CAMK2A: variants seen among roughly 807,000 people sequenced by gnomAD.
CAMK2A encodes the protein calcium/calmodulin dependent protein kinase II alpha, also known as calcium/calmodulin-dependent protein kinase type II subunit alpha.
Under a neutral mutation model 79.2 loss-of-function variants are expected in CAMK2A, and 7 were observed. That is an observed-to-expected ratio of 0.09 (90% CI 0.05 to 0.17). CAMK2A has a LOEUF of 0.17. Ranked by LOEUF, CAMK2A falls within the 10% of genes least tolerant of loss-of-function variation. CAMK2A has a pLI of 1.00. For synonymous variants in CAMK2A, 242 were observed against 251.7 expected (o/e 0.96, Z 0.36); for missense variants, 214 against 646.4 (o/e 0.33, Z 7.25).
chr5:150,227,101 A>T (rs1754639171), intron 17 of CAMK2A, among the ~76,000 whole-genome samples: 1 of 152,178 alleles, frequency 6.6e-6, no homozygotes, highest in Non-Finnish European at 1.5e-5. Flanking sequence ...AAACTTATTG[A>T]CATAGTCATT....
intron 1 of CAMK2A, among the ~76,000 whole-genome samples, chr5:150,277,082 T>C (rs1756981042): frequency 6.6e-6 from 1 of 152,124 alleles, no homozygotes; most frequent in Non-Finnish European, 1.5e-5. Context: ...AGCATGGTGG[T>C]ACACATCTGT....
At chr5:150,263,474 C>T (rs1282536331) in intron 3 of CAMK2A, among the ~76,000 whole-genome samples, 1 of 150,916 alleles carries the variant, frequency 6.6e-6, no homozygotes, top group Non-Finnish European at 1.5e-5. Flanking sequence ...ACACACTCCA[C>T]ACACTCTCAC....
chr5:150,253,326 C>T (rs940175546), intron 7 of CAMK2A, 118 bp downstream of exon 7: 3 of 772,316 alleles, frequency 3.9e-6, no homozygotes, highest in African/African-American at 3.4e-5. Context: ...TCTACCAGCC[C>T]CGGCTGGCCC....
rs1757326530 is a variant in CAMK2A, at chr5:150,284,135, G to A, written c.62+5429C>T. 6.6e-6 allele frequency among the ~76,000 whole-genome samples: 1 copy of A among 152,190 alleles called. No homozygotes were observed. The highest frequency in any genetic ancestry group is 2.1e-4 in the South Asian group (1 of 4,822). On this transcript the variant is annotated intron_variant, in intron 1 of 18. Transcript: ENST00000671881. The surrounding 1 kb of genome is among the most constrained non-coding windows in gnomAD (Gnocchi z 5.3). Reference sequence around the variant, plus strand: ...GCAGAAGGGGACTGCAGCAAAGAGGGACAGAGACAGAGGCAGAGTGAGACC... The same window carrying A: ...GCAGAAGGGGACTGCAGCAAAGAGGAACAGAGACAGAGGCAGAGTGAGACC...
chr5:150,250,557 A>G (rs1755786101), intron 10 of CAMK2A, 131 bp downstream of exon 10: 1 of 1,291,070 alleles, frequency 7.7e-7, no homozygotes, highest in Non-Finnish European at 1.1e-6. Flanking sequence ...CCTGAGAACC[A>G]CAGCAGGGGC....
intron 2 of CAMK2A, among the ~76,000 whole-genome samples, chr5:150,272,295 T>G (rs1412242978): frequency 2.0e-5 from 3 of 152,216 alleles, no homozygotes; most frequent in Non-Finnish European, 4.4e-5. Context: ...TTGGGCGTGA[T>G]GGCTCACACG....
intron 1 of CAMK2A, among the ~76,000 whole-genome samples, chr5:150,277,612 T>C (rs1757006634): frequency 6.6e-6 from 1 of 152,220 alleles, no homozygotes; most frequent in Non-Finnish European, 1.5e-5. Context: ...GATGGGGTAG[T>C]GTGGGGACCC....
At position 150,284,656 on chromosome 5, in the gene CAMK2A, G is replaced by A. The variant is rs1757350673; in HGVS notation, c.62+4908C>T. Among the ~76,000 whole-genome samples the A allele has an allele frequency of 6.6e-6, 1 of 152,168 alleles. No homozygotes were observed. Among genetic ancestry groups the A allele is most frequent in the African/African-American group, 2.4e-5 (1 of 41,432 alleles). Reference sequence around the variant, plus strand: ...AGGGAGGAAAGCTCGTCCCTTCCCTGTTCCTGCCACCCTTTCCTTGAGGTC... The same window carrying A: ...AGGGAGGAAAGCTCGTCCCTTCCCTATTCCTGCCACCCTTTCCTTGAGGTC... On this transcript the variant is annotated intron_variant, in intron 1 of 18. Coordinates refer to ENST00000671881, the MANE Select transcript of CAMK2A (RefSeq NM_015981.4). The surrounding 1 kb of genome is among the most constrained non-coding windows in gnomAD (Gnocchi z 5.3).
intron 1 of CAMK2A, among the ~76,000 whole-genome samples, chr5:150,278,593 G>A (rs964339781): frequency 6.6e-6 from 1 of 152,138 alleles, no homozygotes; most frequent in Non-Finnish European, 1.5e-5. Context: ...GGTGGGAAGC[G>A]ATGGCCAAGA....
chr5:150,289,947 A>C, upstream of CAMK2A: 1 of 357,378 alleles, frequency 2.8e-6, no homozygotes, highest in Non-Finnish European at 5.2e-6. Flanking sequence ...ACCGCACACA[A>C]TACTGCAAGC....
chr5:150,221,884 T>C lies in CAMK2A; in HGVS notation c.*826A>G. 3.1e-6 allele frequency: 1 copy of C among 327,620 alleles called. No individual in the cohort carries two copies. The highest frequency in any genetic ancestry group is 4.7e-5 in the East Asian group (1 of 21,060). The allele number at this position is 327,620 out of a possible 1,614,324, so 20.3% of individuals were successfully genotyped here. ...TAAATATCCATTAACGCGAAATCCA[T>C]TTACGAAATACACAGAAATTTGGCT... On this transcript the variant is annotated 3_prime_UTR_variant, in exon 19 of 19. Transcript: ENST00000671881.
intron 4 of CAMK2A, 125 bp downstream of exon 4, chr5:150,257,438 G>A: frequency 3.8e-6 from 3 of 781,732 alleles, no homozygotes; most frequent in Non-Finnish European, 4.4e-6. Flanking sequence ...TTGGGTGGCA[G>A]GCCCACCACA....
rs1219040905 is a variant in CAMK2A at position 150,222,733 on chromosome 5, T to C, written c.1467-20A>G. The C allele has an allele frequency of 6.2e-7, 1 of 1,613,640 alleles. No homozygotes were observed. Among genetic ancestry groups the C allele is most frequent in the East Asian group, 2.2e-5 (1 of 44,872 alleles). On this transcript the variant is annotated intron_variant, in intron 18 of 18. Transcript: ENST00000671881. ...CCTCAGCTGTAAGACACACACGGGG[T>C]GCTTCTCAGGGCATGGTGTTTCCTG...
intron 15 of CAMK2A, among the ~76,000 whole-genome samples, chr5:150,237,509 G>A (rs1755135655): frequency 1.3e-5 from 2 of 152,078 alleles, no homozygotes; most frequent in Admixed American, 1.3e-4. Context: ...GCAGAAGTCA[G>A]CAATCCCTGC....
chr5:150,227,718 C>G (rs1460000320), intron 17 of CAMK2A, among the ~76,000 whole-genome samples: 2 of 152,178 alleles, frequency 1.3e-5, no homozygotes, highest in Non-Finnish European at 2.9e-5. Context: ...AGTGTGAGCT[C>G]TCTGTCCTCC....
chr5:150,240,316 TGCAGGTGATGCCAAA>T (rs1755281869), intron 13 of CAMK2A, among the ~76,000 whole-genome samples: 1 of 152,192 alleles, frequency 6.6e-6, no homozygotes, highest in Non-Finnish European at 1.5e-5. Context: ...AAACAATATC[TGCAGGTGATGCCAAA>T]GCAGGGCCAA....
chr5:150,226,389 G>C (rs775004407), intron 17 of CAMK2A, among the ~76,000 whole-genome samples: 1 of 152,142 alleles, frequency 6.6e-6, no homozygotes, highest in South Asian at 2.1e-4. Context: ...AGTCACTGAA[G>C]TACCTTCTTT....
At chr5:150,272,037 C>T (rs1394737517) in intron 2 of CAMK2A, among the ~76,000 whole-genome samples, 1 of 152,112 alleles carries the variant, frequency 6.6e-6, no homozygotes, top group Non-Finnish European at 1.5e-5. Context: ...CAGATCACAC[C>T]CCAGACCAAC....
chr5:150,275,267 T>C (rs1756901769), intron 1 of CAMK2A, among the ~76,000 whole-genome samples: 1 of 152,200 alleles, frequency 6.6e-6, no homozygotes, highest in South Asian at 2.1e-4. Context: ...GTCCCCTCCC[T>C]GAGACTCTCC....
Sources: gnomAD v4.1 joint callset for allele counts (sites outside exome capture counted in the v4.1 genomes callset) on GRCh38, gnomAD v4.1.1 for gene constraint, Gnocchi (gnomAD v3.1) non-coding constraint, MANE v1.5 for transcripts, NCBI Gene and HGNC (gene_info 2026-07-23, HGNC 2026-07-21) for gene names.